The following KDM4C variants were observed in gnomAD, a reference collection of about 807,000 sequenced individuals.
The protein encoded by KDM4C is lysine demethylase 4C, also known as lysine-specific demethylase 4C.
In KDM4C, 81 loss-of-function variants were observed where a neutral mutation model predicts 129.3. The observed-to-expected ratio is 0.63, with a 90% CI of 0.52 to 0.75. The LOEUF (loss-of-function observed/expected upper bound fraction) is 0.75, where lower values mean the gene tolerates loss of function less well. Among genes scored for constraint, KDM4C ranks in the 30% least tolerant of loss-of-function variants. The pLI is 0.00. For synonymous variants in KDM4C, 573 were observed against 456.1 expected (o/e 1.26, Z -3.26); for missense variants, 1,457 against 1,304.0 (o/e 1.12, Z -1.81).
chr9:6,973,118 G>T (rs1349055083), intron 8 of KDM4C, among the ~76,000 whole-genome samples: 1 of 152,180 alleles, frequency 6.6e-6, no homozygotes, highest in Non-Finnish European at 1.5e-5. Context: ...AAGTTTGGCT[G>T]AAAAAGTATG....
chr9:6,865,543 G>GAT (rs960483609), intron 5 of KDM4C, among the ~76,000 whole-genome samples: 3 of 151,986 alleles, frequency 2.0e-5, no homozygotes, highest in African/African-American at 7.2e-5. Flanking sequence ...TGTAGGCTTA[G>GAT]TTATTTATCT....
chr9:6,732,825 C>T (rs1332198103), intron 1 of KDM4C, among the ~76,000 whole-genome samples: 1 of 152,132 alleles, frequency 6.6e-6, no homozygotes, highest in Non-Finnish European at 1.5e-5. Flanking sequence ...CCAGCCTGGC[C>T]AGCATGGCGA....
intron 18 of KDM4C, among the ~76,000 whole-genome samples, chr9:7,110,252 G>C (rs566811394): frequency 6.6e-6 from 1 of 152,134 alleles, no homozygotes; most frequent in Non-Finnish European, 1.5e-5. Flanking sequence ...CTCTACTAGA[G>C]ACCAAATTTG....
At chr9:6,931,953 A>G (rs1005736785) in intron 8 of KDM4C, among the ~76,000 whole-genome samples, 3 of 152,362 alleles carry the variant, frequency 2.0e-5, no homozygotes, top group African/African-American at 7.2e-5. Context: ...TAATATGGTC[A>G]GTGCCCTGGC....
chr9:6,789,754 G>C (rs576034785), intron 1 of KDM4C, among the ~76,000 whole-genome samples: 1 of 152,006 alleles, frequency 6.6e-6, no homozygotes, highest in African/African-American at 2.4e-5. Flanking sequence ...GTATGTACCT[G>C]TCTACACGTG....
intron 5 of KDM4C, among the ~76,000 whole-genome samples, chr9:6,858,946 T>C (rs755883893): frequency 6.6e-6 from 1 of 152,190 alleles, no homozygotes; most frequent in Non-Finnish European, 1.5e-5. Flanking sequence ...GCAAAAATTG[T>C]TATTTGCCCA....
At chr9:6,959,017 C>T (rs1829589269) in intron 8 of KDM4C, among the ~76,000 whole-genome samples, 1 of 152,212 alleles carries the variant, frequency 6.6e-6, no homozygotes, top group Middle Eastern at 3.4e-3. Context: ...TCATAAAGTT[C>T]CTTTTATGCC....
upstream of KDM4C, among the ~76,000 whole-genome samples, chr9:6,757,433 T>G (rs891101584): frequency 9.2e-5 from 14 of 152,264 alleles, no homozygotes; most frequent in South Asian, 2.9e-3. Context: ...TGTTAAAGGG[T>G]TGGGACACGA....
chr9:7,017,297 A>G (rs12235561), intron 15 of KDM4C, among the ~76,000 whole-genome samples: 12,937 of 152,138 alleles, frequency 0.085, 684 homozygotes, highest in East Asian at 0.18. Context: ...TTACATTTAT[A>G]CTTTAATACA....
intron 11 of KDM4C, among the ~76,000 whole-genome samples, chr9:6,988,888 A>G (rs1818228093): frequency 6.6e-6 from 1 of 151,112 alleles, no homozygotes; most frequent in East Asian, 1.9e-4. Flanking sequence ...CCCCCTCCCC[A>G]TCACTTTCTA....
chr9:6,965,107 G>A (rs1212263041), intron 8 of KDM4C, among the ~76,000 whole-genome samples: 2 of 151,852 alleles, frequency 1.3e-5, no homozygotes, highest in African/African-American at 4.8e-5. Flanking sequence ...TAATGGCTTT[G>A]TTTCCCATTA....
At chr9:7,128,755 G>A (rs1160429476) in intron 19 of KDM4C, among the ~76,000 whole-genome samples, 3 of 152,066 alleles carry the variant, frequency 2.0e-5, no homozygotes, top group East Asian at 3.8e-4. Flanking sequence ...CGTTACTGTG[G>A]CGGAGACTAG....
At chr9:6,720,977 G>C in exon 1 of KDM4C, 1 of 1,551,654 alleles carries the variant, frequency 6.4e-7, no homozygotes, top group Non-Finnish European at 8.7e-7. Flanking sequence ...CCCTGGAAGA[G>C]GACTGAAGAA....
chr9:7,140,693 C>A (rs966428193), intron 19 of KDM4C, among the ~76,000 whole-genome samples: 2 of 152,150 alleles, frequency 1.3e-5, no homozygotes, highest in Admixed American at 6.5e-5. Flanking sequence ...ACAGTGAGCA[C>A]CTACTACATG....
intron 1 of KDM4C, among the ~76,000 whole-genome samples, chr9:6,782,863 C>G (rs1563994215): frequency 6.6e-6 from 1 of 152,142 alleles, no homozygotes; most frequent in African/African-American, 2.4e-5. Flanking sequence ...TCAGCAAAGA[C>G]TCTTGGGGTG....
chr9:6,827,064 C>G (rs1834005953), intron 4 of KDM4C, among the ~76,000 whole-genome samples: 1 of 152,126 alleles, frequency 6.6e-6, no homozygotes, highest in Admixed American at 6.6e-5. Flanking sequence ...TCGCTGCTAA[C>G]CTGAGAGAGT....
At chr9:7,135,552 G>A (rs1295600659) in intron 19 of KDM4C, among the ~76,000 whole-genome samples, 1 of 152,170 alleles carries the variant, frequency 6.6e-6, no homozygotes, top group Non-Finnish European at 1.5e-5. Context: ...GGCACCATGA[G>A]CCAAATCCAC....
At chr9:6,993,077 C>T (rs969797528) in intron 12 of KDM4C, among the ~76,000 whole-genome samples, 1 of 152,136 alleles carries the variant, frequency 6.6e-6, no homozygotes, top group African/African-American at 2.4e-5. Context: ...GTGGCACATC[C>T]TGTAATTACA....
chr9:7,001,080 A>T (rs1327177161), intron 12 of KDM4C, among the ~76,000 whole-genome samples: 3 of 152,228 alleles, frequency 2.0e-5, no homozygotes. Flanking sequence ...TCTCTTTATC[A>T]GCATTTTAAT....
Sources: allele counts gnomAD v4.1 joint callset (sites outside exome capture counted in the v4.1 genomes callset), GRCh38; gene constraint gnomAD v4.1.1; transcripts MANE v1.5; gene names NCBI Gene and HGNC (gene_info 2026-07-23, HGNC 2026-07-21).